The following HECTD2 variants were observed in gnomAD, a reference collection of about 807,000 sequenced individuals.
HECTD2 encodes HECT domain E3 ubiquitin protein ligase 2.
In HECTD2, 35 loss-of-function variants were observed where a neutral mutation model predicts 103.2. The observed-to-expected ratio is 0.34, with a 90% confidence interval of 0.26 to 0.45. HECTD2 has a LOEUF of 0.45. HECTD2 is among the 20% of genes least tolerant of loss of function. The probability of loss-of-function intolerance (pLI) is 1.00; values close to 1 mark genes in which losing one functional copy is unlikely to be tolerated. For missense variants in HECTD2, 596 were observed against 937.4 expected (o/e 0.64, Z 4.76); for synonymous variants, 281 against 329.9 (o/e 0.85, Z 1.61).
intron 20 of HECTD2, among the ~76,000 whole-genome samples, chr10:91,511,351 A>G (rs1385760952): frequency 6.6e-6 from 1 of 152,212 alleles, no homozygotes; most frequent in African/African-American, 2.4e-5. Flanking sequence ...ATCAAGGGGC[A>G]TCTACTGTCC....
intron 1 of HECTD2, among the ~76,000 whole-genome samples, chr10:91,415,885 G>A (rs1843108058): frequency 6.6e-6 from 1 of 152,142 alleles, no homozygotes; most frequent in African/African-American, 2.4e-5. Flanking sequence ...CAATCTGATT[G>A]AAGCAAAATA....
intron 20 of HECTD2, among the ~76,000 whole-genome samples, chr10:91,503,442 G>C (rs1378718922): frequency 6.6e-6 from 1 of 152,220 alleles, no homozygotes; most frequent in Non-Finnish European, 1.5e-5. Context: ...AGCCGAAGCA[G>C]GGCGAGGCAT....
chr10:91,485,303 G>T lies in HECTD2; in HGVS notation c.1094G>T (p.Arg365Met). 6.3e-7 allele frequency: 1 copy of T among 1,582,778 alleles called. No individual in the cohort carries two copies. Among genetic ancestry groups the T allele is most frequent in the East Asian group, 2.3e-5 (1 of 43,318 alleles). ...TGGCAAAACTTTGGAAACTCTCACA[G>T]GTATGAACAAAAGTTCCTTTGATTA... is the stretch of plus-strand genomic sequence containing the variant. ...HTWQNFGNSH[R>M]FSFCQYPFVI... Residue 365 changes from arginine to methionine, a missense_variant and splice_region_variant, in exon 10 of 21, where the codon AGG (arginine) becomes ATG (methionine). By Grantham distance (91) the Arg-to-Met change is moderately conservative (BLOSUM62 -1). Coordinates refer to ENST00000298068, the MANE Select transcript of HECTD2 (RefSeq NM_182765.6).
intron 2 of HECTD2, among the ~76,000 whole-genome samples, chr10:91,437,619 CTT>C (rs59785873): frequency 0.16 from 14,351 of 87,386 alleles, 2,108 homozygotes; most frequent in African/African-American, 0.4. Flanking sequence ...GATGGTTGTT[CTT>C]TTTTTTTTTT....
chr10:91,488,930 A>G (rs1031669205), intron 11 of HECTD2: 6 of 152,286 alleles, frequency 3.9e-5, no homozygotes, highest in Admixed American at 2.0e-4. Flanking sequence ...TATTGGCTCA[A>G]TGATTAGCTG....
At chr10:91,433,539 G>T (rs1338789090) in intron 2 of HECTD2, among the ~76,000 whole-genome samples, 1 of 151,874 alleles carries the variant, frequency 6.6e-6, no homozygotes, top group Non-Finnish European at 1.5e-5. Context: ...CATTGTATTG[G>T]ATGTACATTT....
chr10:91,422,322 A>G (rs570410156), intron 1 of HECTD2, among the ~76,000 whole-genome samples: 1 of 152,286 alleles, frequency 6.6e-6, no homozygotes, highest in African/African-American at 2.4e-5. Flanking sequence ...ACAGTTGTCA[A>G]TGAAAAAATG....
intron 5 of HECTD2, among the ~76,000 whole-genome samples, chr10:91,469,565 G>A (rs577798675): frequency 7.5e-4 from 114 of 152,234 alleles, no homozygotes; most frequent in Non-Finnish European, 1.3e-3. Flanking sequence ...AAGGAAATTC[G>A]TTACCACCAA....
At chr10:91,463,960 T>A (rs920630333) in intron 5 of HECTD2, among the ~76,000 whole-genome samples, 11 of 152,300 alleles carry the variant, frequency 7.2e-5, no homozygotes, top group African/African-American at 2.6e-4. Flanking sequence ...GAACTTGATT[T>A]TTTTTTGACA....
At chr10:91,435,341 G>A (rs1485466749) in intron 2 of HECTD2, among the ~76,000 whole-genome samples, 1 of 151,962 alleles carries the variant, frequency 6.6e-6, no homozygotes, top group Non-Finnish European at 1.5e-5. Flanking sequence ...TCCTCCAACT[G>A]TCAAGAGTAC....
intron 2 of HECTD2, among the ~76,000 whole-genome samples, chr10:91,454,032 A>T (rs573066825): frequency 6.6e-6 from 1 of 151,972 alleles, no homozygotes; most frequent in South Asian, 2.1e-4. Flanking sequence ...TAAAAACTGC[A>T]GGAGAAAAAC....
intron 20 of HECTD2, among the ~76,000 whole-genome samples, chr10:91,506,696 C>T (rs1185763028): frequency 1.3e-5 from 2 of 151,906 alleles, no homozygotes; most frequent in African/African-American, 4.8e-5. Context: ...ACCAGAGGTA[C>T]AAGGAGGAAC....
Position 91,503,718 on chromosome 10 carries a change from C to G in HECTD2, c.2210+2384C>G, listed in dbSNP as rs368607756. On this transcript the variant is annotated intron_variant, in intron 20 of 20. Coordinates refer to ENST00000298068, the MANE Select transcript of HECTD2 (RefSeq NM_182765.6). ...CTGGGGGAGGGGCGCCCACCATTGC[C>G]CAGGCTTGCTTAGGTAAACGAAGCA... Among the ~76,000 whole-genome samples the G allele has an allele frequency of 5.3e-5, 8 of 152,284 alleles. No individual in the cohort carries two copies. The South Asian group carries it at 6.2e-4, about 12-fold the overall frequency.
chr10:91,410,614 G>A (rs1441099908), intron 1 of HECTD2, 38 bp downstream of exon 1: 2 of 1,328,124 alleles, frequency 1.5e-6, no homozygotes, highest in Non-Finnish European at 1.9e-6. Flanking sequence ...GCCCCGGACG[G>A]CGGGAGTTGG....
At chr10:91,479,571 G>C (rs1846021541) in intron 6 of HECTD2, among the ~76,000 whole-genome samples, 2 of 152,176 alleles carry the variant, frequency 1.3e-5, no homozygotes, top group African/African-American at 4.8e-5. Context: ...CTTAGAATAG[G>C]AATGTACTGT....
intron 2 of HECTD2, among the ~76,000 whole-genome samples, chr10:91,430,985 T>G (rs1843838085): frequency 6.6e-6 from 1 of 151,706 alleles, no homozygotes; most frequent in African/African-American, 2.4e-5. Context: ...CGATGGTCTT[T>G]ACATTTTGGC....
chr10:91,492,487 A>G lies in HECTD2; in HGVS notation c.1432+3A>G. On this transcript the variant is annotated splice_donor_region_variant and intron_variant, in intron 13 of 20. Coordinates refer to ENST00000298068, the MANE Select transcript of HECTD2 (RefSeq NM_182765.6). ...CCAAATTTTTCATCCAGATTATGGT[A>G]AGTATGTAATCTAATTTTTATAAAC... is the stretch of plus-strand genomic sequence containing the variant. 1 of 1,601,542 alleles carries G rather than the reference A, an allele frequency of 6.2e-7. No individual in the cohort carries two copies. Among genetic ancestry groups the G allele is most frequent in the Non-Finnish European group, 8.6e-7 (1 of 1,169,308 alleles).
intron 2 of HECTD2, among the ~76,000 whole-genome samples, chr10:91,435,130 G>T (rs957931929): frequency 1.3e-5 from 2 of 151,868 alleles, no homozygotes; most frequent in Non-Finnish European, 2.9e-5. Context: ...CAAGAACTCA[G>T]CAATCAAGAG....
chr10:91,498,198 A>C lies in HECTD2; in HGVS notation c.1755+16A>C. Reference sequence around the variant, plus strand: ...AACATTTCAGGTACTATTAAGGGCAAGTAGTTATCTGTTAATCATATATTT... The same window carrying C: ...AACATTTCAGGTACTATTAAGGGCACGTAGTTATCTGTTAATCATATATTT... On this transcript the variant is annotated intron_variant, in intron 16 of 20. Transcript: ENST00000298068. The C allele has an allele frequency of 6.5e-7, 1 of 1,528,470 alleles. No individual in the cohort carries two copies. 94.7% of individuals were successfully genotyped at this position (1,528,470 alleles called of 1,614,324 possible).
Sources: gnomAD v4.1 joint callset for allele counts (sites outside exome capture counted in the v4.1 genomes callset) on GRCh38, gnomAD v4.1.1 for gene constraint, MANE v1.5 for transcripts, NCBI Gene and HGNC (gene_info 2026-07-23, HGNC 2026-07-21) for gene names.